CACYBP: variants seen among roughly 807,000 people sequenced by gnomAD.
The protein encoded by CACYBP is calcyclin binding protein.
In CACYBP, 11 loss-of-function variants were observed where a neutral mutation model predicts 29.6. That is an observed-to-expected ratio of 0.37 (90% CI 0.23 to 0.61). The LOEUF is 0.61. Ranked by LOEUF, CACYBP falls within the 20% of genes least tolerant of loss-of-function variation. CACYBP has a pLI of 0.65. For synonymous variants in CACYBP, 73 were observed against 88.3 expected (o/e 0.83, Z 0.97); for missense variants, 163 against 260.7 (o/e 0.63, Z 2.58).
chr1:175,004,686 A>G lies in CACYBP; in HGVS notation c.88A>G (p.Thr30Ala), dbSNP rs567915332. The G allele has an allele frequency of 6.2e-7, 1 of 1,613,930 alleles. No individual in the cohort carries two copies. The highest frequency in any genetic ancestry group is 1.7e-5 in the Admixed American group (1 of 60,024). ...TAGGAAAAGAGTACGTGATGCCCTTACAGCTGAAAAATCCAAGATTGAGAC... is the reference window on the plus strand; with the variant it reads ...TAGGAAAAGAGTACGTGATGCCCTTGCAGCTGAAAAATCCAAGATTGAGAC... ...ATRKRVRDAL[T>A]AEKSKIETEI... The change falls in exon 2 of 6, where the codon ACA becomes GCA. Residue 30 changes from threonine (T) to alanine (A), a missense_variant. Thr to Ala is a moderately conservative substitution (Grantham distance 58, BLOSUM62 0). Coordinates refer to ENST00000367679, the MANE Select transcript of CACYBP (RefSeq NM_014412.3).
chr1:175,005,903 G>A (rs1210115685), intron 2 of CACYBP, among the ~76,000 whole-genome samples: 1 of 152,048 alleles, frequency 6.6e-6, no homozygotes, highest in African/African-American at 2.4e-5. Context: ...TTTAATTTTC[G>A]AGGGTACATA....
In CACYBP at chr1:175,006,852, A is replaced by G. The variant is rs896284522; in HGVS notation, c.332+11A>G. 1.4e-6 allele frequency: 2 copies of G among 1,407,912 alleles called. No individual in the cohort carries two copies. The highest frequency in any genetic ancestry group is 1.0e-6 in the Non-Finnish European group (1 of 992,928). The allele number at this position is 1,407,912 out of a possible 1,614,324, so 87.2% of individuals were successfully genotyped here. ...GCATTTCACAGAGAGGTGAGTTCTC[A>G]TTATAATGGGAAAGACAGTGAATTA... On this transcript the variant is annotated intron_variant, in intron 3 of 5. Coordinates refer to ENST00000367679, the MANE Select transcript of CACYBP (RefSeq NM_014412.3).
At chr1:175,004,214 TTAAA>T (rs1190855128) in intron 1 of CACYBP, among the ~76,000 whole-genome samples, 1 of 152,228 alleles carries the variant, frequency 6.6e-6, no homozygotes, top group African/African-American at 2.4e-5. Flanking sequence ...CTCTCATCTC[TTAAA>T]TATTTTAAAA....
intron 4 of CACYBP, among the ~76,000 whole-genome samples, chr1:175,007,564 CTT>C (rs1172949486): frequency 6.6e-6 from 1 of 152,172 alleles, no homozygotes; most frequent in East Asian, 1.9e-4. Flanking sequence ...AAGAGTGAGA[CTT>C]GAGTTTTATG....
Position 175,000,119 on chromosome 1 carries a change from G to T in CACYBP, c.-62G>T. On this transcript the variant is annotated 5_prime_UTR_variant, in exon 1 of 6. Coordinates refer to ENST00000367679, the MANE Select transcript of CACYBP (RefSeq NM_014412.3). Reference sequence around the variant, plus strand: ...TGCGCTCGGTTTGAGGGCTCGGCGCGGGGTTTCCTGTTCCTCCTTCTGCGC... The same window carrying T: ...TGCGCTCGGTTTGAGGGCTCGGCGCTGGGTTTCCTGTTCCTCCTTCTGCGC... The T allele has an allele frequency of 1.9e-6, 3 of 1,568,964 alleles. No individual in the cohort carries two copies. The highest frequency in any genetic ancestry group is 1.8e-5 in the Admixed American group (1 of 54,096).
At chr1:175,003,022 A>G (rs975722889) in intron 1 of CACYBP, among the ~76,000 whole-genome samples, 3 of 152,146 alleles carry the variant, frequency 2.0e-5, no homozygotes, top group Admixed American at 1.3e-4. Context: ...TTTTGGTTCT[A>G]TGCTCAAAAG....
intron 3 of CACYBP, 98 bp from the exon 4 acceptor site, chr1:175,007,000 C>A: frequency 1.1e-6 from 1 of 913,328 alleles, no homozygotes; most frequent in Non-Finnish European, 1.7e-6. Context: ...AAATGCACAC[C>A]CTGAAATAAA....
Position 175,011,648 on chromosome 1 carries a change from A to G in CACYBP, c.*1569A>G, listed in dbSNP as rs1224324562. On this transcript the variant is annotated 3_prime_UTR_variant, in exon 6 of 6. Coordinates refer to ENST00000367679, the MANE Select transcript of CACYBP (RefSeq NM_014412.3). ...CTTCATACAAAAAGAAATGTAAATG[A>G]CCTTTAACATGTAAAGATGCTCACC... The G allele has an allele frequency of 6.6e-6, 1 of 152,220 alleles. No homozygotes were observed. The highest frequency in any genetic ancestry group is 2.4e-5 in the African/African-American group (1 of 41,444). The allele number at this position is 152,220 out of a possible 1,614,324, so 9.4% of individuals were successfully genotyped here.
intron 5 of CACYBP, 81 bp from the exon 6 acceptor site, chr1:175,009,842 C>G: frequency 9.3e-7 from 1 of 1,078,294 alleles, no homozygotes; most frequent in Non-Finnish European, 1.4e-6. Flanking sequence ...CCCTCTACTT[C>G]CTGCCAGTGT....
Position 175,000,081 on chromosome 1 carries a change from G to T in CACYBP, c.-100G>T, listed in dbSNP as rs1391629132. The stretch of plus-strand genomic sequence containing the variant: ...CGCAGGCTGCAGCGCCGCGACTCGT[G>T]CGGGTAGGCGTCTGCGCTCGGTTTG... On this transcript the variant is annotated 5_prime_UTR_variant, in exon 1 of 6. Transcript: ENST00000367679. 2.7e-5 allele frequency: 40 copies of T among 1,485,232 alleles called. No individual in the cohort carries two copies. Among genetic ancestry groups the T allele is most frequent in the Non-Finnish European group, 3.5e-5 (38 of 1,087,614 alleles). The allele number at this position is 1,485,232 out of a possible 1,614,324, so 92.0% of individuals were successfully genotyped here.
intron 3 of CACYBP, 45 bp downstream of exon 3, chr1:175,006,886 C>T: frequency 9.3e-7 from 1 of 1,077,106 alleles, no homozygotes; most frequent in South Asian, 1.3e-5. Flanking sequence ...TAACAGTCAA[C>T]ATTGCCTTAT....
At chr1:175,000,276 G>A (rs1378526507) in intron 1 of CACYBP, 81 bp downstream of exon 1, 2 of 1,540,356 alleles carry the variant, frequency 1.3e-6, no homozygotes, top group African/African-American at 1.4e-5. Context: ...CCGTTTCCGT[G>A]GGCTGAGCCG....
chr1:174,999,888 G>A, upstream of CACYBP: 1 of 520,058 alleles, frequency 1.9e-6, no homozygotes, highest in South Asian at 2.2e-5. Flanking sequence ...GACTCGGCGG[G>A]GCGGGGAGGG....
At position 175,000,209 on chromosome 1, in the gene CACYBP, C is replaced by T. The variant is rs775506124; in HGVS notation, c.15+14C>T. 20 of 1,603,416 alleles carry T rather than the reference C, an allele frequency of 1.2e-5. No homozygotes were observed. The South Asian group carries it at 1.8e-4, about 14-fold the overall frequency. ...GCTTCAGAAGAGGTAAGTGGTCCGG[C>T]CCCATATTCCTTATGCCCCCCGGCT... On this transcript the variant is annotated intron_variant, in intron 1 of 5. Coordinates refer to ENST00000367679, the MANE Select transcript of CACYBP (RefSeq NM_014412.3).
At chr1:175,008,881 G>T in intron 5 of CACYBP, 175 bp downstream of exon 5, 1 of 577,460 alleles carries the variant, frequency 1.7e-6, no homozygotes, top group East Asian at 2.9e-5. Flanking sequence ...TGGCTCTTTA[G>T]TGTGGTTCTT....
At position 175,010,562 on chromosome 1, in the gene CACYBP, A is replaced by T. The variant is rs1672723347; in HGVS notation, c.*483A>T. ...CCCTTATTACCACCTTAAGCAATGT[A>T]TATGCCATGCATTACCATGCACTAA... On this transcript the variant is annotated 3_prime_UTR_variant, in exon 6 of 6. Coordinates refer to ENST00000367679, the MANE Select transcript of CACYBP (RefSeq NM_014412.3). 6.6e-6 allele frequency: 1 copy of T among 152,636 alleles called. No individual in the cohort carries two copies. The highest frequency in any genetic ancestry group is 6.5e-5 in the Admixed American group (1 of 15,314). The allele number at this position is 152,636 out of a possible 1,614,324, so 9.5% of individuals were successfully genotyped here. A position where few individuals can be genotyped will look rare whatever the true frequency, so the allele number is the denominator to read the frequency against.
intron 5 of CACYBP, among the ~76,000 whole-genome samples, chr1:175,009,528 C>T (rs998932665): frequency 7.9e-5 from 12 of 151,776 alleles, no homozygotes; most frequent in Non-Finnish European, 1.6e-4. Flanking sequence ...TGCCTGTAAT[C>T]CCAGCTACTC....
chr1:175,000,336 G>A, intron 1 of CACYBP, 141 bp downstream of exon 1: 1 of 1,459,474 alleles, frequency 6.9e-7, no homozygotes, highest in South Asian at 1.4e-5. Context: ...CTTCCCGGGG[G>A]ACACCTCACT....
intron 1 of CACYBP, among the ~76,000 whole-genome samples, chr1:175,001,846 A>G (rs943850561): frequency 1.3e-5 from 2 of 152,054 alleles, no homozygotes; most frequent in African/African-American, 4.8e-5. Flanking sequence ...GGTTCAAAGG[A>G]TTCTCCTGCC....
Sources: allele counts gnomAD v4.1 joint callset (sites outside exome capture counted in the v4.1 genomes callset), GRCh38; gene constraint gnomAD v4.1.1; transcripts MANE v1.5; gene names NCBI Gene and HGNC (gene_info 2026-07-23, HGNC 2026-07-21).